Variants in MACROD1 observed in about 807,000 individuals in gnomAD.
MACROD1 encodes mono-ADP ribosylhydrolase 1.
MACROD1 carries 31 observed loss-of-function variants against 41.4 expected under a neutral mutation model. The ratio of observed to expected loss-of-function variants is 0.75; its 90% confidence interval spans 0.56 to 1.01. The LOEUF (loss-of-function observed/expected upper bound fraction) is 1.01, where lower values mean the gene tolerates loss of function less well. Among genes scored for constraint, MACROD1 ranks in the 50% least tolerant of loss-of-function variants. MACROD1 has a pLI of 0.00. For synonymous variants in MACROD1, 252 were observed against 203.4 expected, an observed-to-expected ratio of 1.24 and a Z score of -2.03; for missense variants, 473 against 460.0, an observed-to-expected ratio of 1.03 and a Z score of -0.26.
chr11:64,148,247 G>A (rs1345949525), intron 3 of MACROD1, among the ~76,000 whole-genome samples: 2 of 152,144 alleles, frequency 1.3e-5, no homozygotes, highest in Admixed American at 1.3e-4. Context: ...AGGGTGGGGG[G>A]TTGGGAGCTC....
At chr11:64,141,688 C>T (rs1481003484) in intron 3 of MACROD1, among the ~76,000 whole-genome samples, 1 of 152,206 alleles carries the variant, frequency 6.6e-6, no homozygotes, top group Non-Finnish European at 1.5e-5. Flanking sequence ...GGACAGCACA[C>T]CGGGGACGCA....
chr11:64,070,536 A>C (rs1944088267), intron 3 of MACROD1, among the ~76,000 whole-genome samples: 1 of 152,170 alleles, frequency 6.6e-6, no homozygotes, highest in Non-Finnish European at 1.5e-5. Flanking sequence ...CCGAGAGCAG[A>C]GCTCGAGAAC....
intron 3 of MACROD1, among the ~76,000 whole-genome samples, chr11:64,100,465 G>A (rs1257506341): frequency 6.6e-6 from 1 of 152,206 alleles, no homozygotes; most frequent in Non-Finnish European, 1.5e-5. Flanking sequence ...TGGAGCCTGT[G>A]GGAACGGGGG....
intron 1 of MACROD1, among the ~76,000 whole-genome samples, chr11:64,154,618 C>G (rs1945638670): frequency 6.6e-6 from 1 of 152,246 alleles, no homozygotes; most frequent in African/African-American, 2.4e-5. Flanking sequence ...GCTGCCTCCC[C>G]CACTACACCA....
chr11:64,047,309 A>G (rs1943602778), intron 3 of MACROD1, among the ~76,000 whole-genome samples: 1 of 152,084 alleles, frequency 6.6e-6, no homozygotes, highest in African/African-American at 2.4e-5. Context: ...CAGCCCTGGG[A>G]GTGGGTAGCG....
chr11:64,025,905 G>A lies in MACROD1; in HGVS notation c.518-10624C>T, dbSNP rs529549515. On this transcript the variant is annotated intron_variant, in intron 3 of 10. Transcript: ENST00000255681. ...CGGCTAATTTTAAAATTTTCGGGCCGGGCGCCGTAACTCACACCTGTAATC... is the reference window on the plus strand; with the variant it reads ...CGGCTAATTTTAAAATTTTCGGGCCAGGCGCCGTAACTCACACCTGTAATC... 8.6e-5 allele frequency among the ~76,000 whole-genome samples: 13 copies of A among 151,956 alleles called. No individual in the cohort carries two copies. The East Asian group carries it at 9.7e-4, about 11-fold the overall frequency.
Position 64,118,379 on chromosome 11 carries a change from A to G in MACROD1, c.517+32860T>C, listed in dbSNP as rs1377688714. The G allele has an allele frequency of 7.9e-5, 111 of 1,409,696 alleles. 1 individual carries two copies. Among genetic ancestry groups the G allele is most frequent in the Non-Finnish European group, 9.1e-5 (97 of 1,070,838 alleles). 87.3% of individuals were successfully genotyped at this position (1,409,696 alleles called of 1,614,324 possible). On this transcript the variant is annotated intron_variant, in intron 3 of 10. Transcript: ENST00000255681. ...TGCCCAGCCTGCTGCAATCCAAGAG[A>G]GCAAGGAAGAGAAATTCCATGGGTG...
chr11:64,019,475 C>T (rs1943125179), intron 3 of MACROD1, among the ~76,000 whole-genome samples: 1 of 152,134 alleles, frequency 6.6e-6, no homozygotes, highest in Admixed American at 6.5e-5. Context: ...CAGTTTGTGC[C>T]CCTGCTCCCA....
At chr11:64,131,134 C>T (rs546260274) in intron 3 of MACROD1, among the ~76,000 whole-genome samples, 101 of 152,184 alleles carry the variant, frequency 6.6e-4, no homozygotes, top group Admixed American at 2.5e-3. Flanking sequence ...CAGGGAGCTG[C>T]GGGTCTAAAT....
At chr11:64,134,619 G>A (rs1263645921) in intron 3 of MACROD1, among the ~76,000 whole-genome samples, 2 of 152,018 alleles carry the variant, frequency 1.3e-5, no homozygotes, top group Non-Finnish European at 2.9e-5. Context: ...AGGGGTGGGG[G>A]ACAGCACCTG....
chr11:64,065,585 C>G (rs184881625), intron 3 of MACROD1, among the ~76,000 whole-genome samples: 28 of 151,746 alleles, frequency 1.8e-4, no homozygotes, highest in East Asian at 7.8e-4. Context: ...GTCAGGAGAT[C>G]AAGACCATCC....
At chr11:64,015,197 A>G in intron 4 of MACROD1, 55 bp downstream of exon 4, 1 of 1,522,096 alleles carries the variant, frequency 6.6e-7, no homozygotes, top group Non-Finnish European at 8.8e-7. Context: ...GGAGGAGCAG[A>G]CCCAGCAGGG....
chr11:64,034,729 AAGAGC>A (rs1340284808), intron 3 of MACROD1, among the ~76,000 whole-genome samples: 4 of 152,190 alleles, frequency 2.6e-5, no homozygotes, highest in Admixed American at 6.5e-5. Context: ...ATGGACAGCA[AAGAGC>A]AGGGCCGGCA....
At position 64,096,496 on chromosome 11, in the gene MACROD1, A is replaced by C. The variant is rs1043681278; in HGVS notation, c.517+54743T>G. On this transcript the variant is annotated intron_variant, in intron 3 of 10. Coordinates refer to ENST00000255681, the MANE Select transcript of MACROD1 (RefSeq NM_014067.4). This position sits in a 1 kb window ranked among gnomAD's most constrained non-coding sequence, Gnocchi z 4.6. ...AGTGGTATGATCTCGGCTCACTGCA[A>C]CCTCCGCCTTCCGGGTTCAAGCAAT... 2.7e-5 allele frequency among the ~76,000 whole-genome samples: 4 copies of C among 150,630 alleles called. No homozygotes were observed. Among genetic ancestry groups the C allele is most frequent in the Non-Finnish European group, 4.4e-5 (3 of 67,618 alleles).
chr11:64,059,337 T>C (rs1278543022), intron 3 of MACROD1, among the ~76,000 whole-genome samples: 1 of 152,114 alleles, frequency 6.6e-6, no homozygotes, highest in East Asian at 1.9e-4. Context: ...GCCACCGACA[T>C]GGGAGGCGTT....
chr11:64,157,963 T>G (rs1220422435), intron 1 of MACROD1, among the ~76,000 whole-genome samples: 1 of 152,164 alleles, frequency 6.6e-6, no homozygotes, highest in East Asian at 1.9e-4. Context: ...CGCAGCACCT[T>G]GGAGCCCCTC....
At position 64,108,644 on chromosome 11, in the gene MACROD1, C is replaced by T. The variant is rs1226405058; in HGVS notation, c.517+42595G>A. Among the ~76,000 whole-genome samples, 6 of 152,330 alleles carry T rather than the reference C, an allele frequency of 3.9e-5. No individual in the cohort carries two copies. The East Asian group carries it at 9.6e-4, about 24-fold the overall frequency. The stretch of plus-strand genomic sequence containing the variant: ...GCTTCCTGTCTAGTGGGAGGTGGGA[C>T]TGGGGTCCCACTGGCCTTTCCCGCT... On this transcript the variant is annotated intron_variant, in intron 3 of 10. Transcript: ENST00000255681.
chr11:64,127,943 C>T (rs549543846), intron 3 of MACROD1, among the ~76,000 whole-genome samples: 2 of 152,350 alleles, frequency 1.3e-5, no homozygotes, highest in East Asian at 3.9e-4. Context: ...GCAGTCTCTG[C>T]TAAATTTAAC....
intron 3 of MACROD1, among the ~76,000 whole-genome samples, chr11:64,079,306 G>A (rs1359320655): frequency 6.6e-6 from 1 of 152,188 alleles, no homozygotes; most frequent in South Asian, 2.1e-4. Flanking sequence ...AGATGCCTCT[G>A]GGAATGAGAC....
Sources: allele counts gnomAD v4.1 joint callset (sites outside exome capture counted in the v4.1 genomes callset), GRCh38; gene constraint gnomAD v4.1.1; non-coding constraint Gnocchi (gnomAD v3.1); transcripts MANE v1.5; gene names NCBI Gene and HGNC (gene_info 2026-07-23, HGNC 2026-07-21).